Variants in MIA2 observed in about 807,000 individuals in gnomAD.
The protein encoded by MIA2 is melanoma inhibitory activity protein 2.
Under a neutral mutation model 167.8 loss-of-function variants are expected in MIA2, and 127 were observed. That is an observed-to-expected ratio of 0.76 (90% CI 0.66 to 0.88). MIA2 has a LOEUF of 0.88. Among genes scored for constraint, MIA2 ranks in the 40% least tolerant of loss-of-function variants. The pLI, the probability that MIA2 is intolerant of heterozygous loss-of-function variation, is 0.00. For synonymous variants in MIA2, 552 were observed against 541.9 expected (o/e 1.02, Z -0.26); for missense variants, 1,690 against 1,624.7 (o/e 1.04, Z -0.69).
chr14:39,335,657 C>T (rs1352714507), intron 25 of MIA2, among the ~76,000 whole-genome samples: 3 of 152,088 alleles, frequency 2.0e-5, no homozygotes, highest in Non-Finnish European at 4.4e-5. Context: ...AGGTTTGTTA[C>T]ATGGGTATAT....
chr14:39,269,735 G>GGTCTT (rs1490311977), intron 6 of MIA2, among the ~76,000 whole-genome samples: 18 of 152,042 alleles, frequency 1.2e-4, no homozygotes, highest in Non-Finnish European at 2.2e-4. Context: ...TACCCAGGCT[G>GGTCTT]GTCTTGAGCT....
chr14:39,387,715 G>A (rs1341054117), exon 24 of MIA2: 1 of 152,206 alleles, frequency 6.6e-6, no homozygotes, highest in Non-Finnish European at 1.5e-5. Context: ...GCATACTACA[G>A]AGAAAATGTC....
intron 22 of MIA2, among the ~76,000 whole-genome samples, chr14:39,318,661 A>T (rs2065901380): frequency 6.6e-6 from 1 of 152,170 alleles, no homozygotes; most frequent in South Asian, 2.1e-4. Context: ...AACTAGAAAT[A>T]AGATTCTTTT....
chr14:39,302,526 A>G (rs2062690748), intron 15 of MIA2, among the ~76,000 whole-genome samples: 1 of 152,172 alleles, frequency 6.6e-6, no homozygotes, highest in Non-Finnish European at 1.5e-5. Context: ...CATTTTCAAA[A>G]TTACATCATA....
chr14:39,379,273 T>G (rs2075106048), intron 23 of MIA2, among the ~76,000 whole-genome samples: 1 of 152,158 alleles, frequency 6.6e-6, no homozygotes, highest in African/African-American at 2.4e-5. Context: ...AACTTTGAAC[T>G]AATTTTCTCT....
chr14:39,347,446 C>T (rs2073539456), intron 26 of MIA2: 2 of 421,006 alleles, frequency 4.8e-6, no homozygotes, highest in South Asian at 6.4e-5. Context: ...ATGCTTCCTC[C>T]CAGATGTCTT....
chr14:39,386,624 T>C (rs2075276523), intron 23 of MIA2: 1 of 1,047,106 alleles, frequency 9.6e-7, no homozygotes, highest in East Asian at 2.4e-5. Context: ...TTCTTTTTTT[T>C]TGGCTGGCAG....
chr14:39,387,058 G>A, exon 24 of MIA2: 1 of 686,988 alleles, frequency 1.5e-6, no homozygotes, highest in East Asian at 2.9e-5. Flanking sequence ...CTGGCGGCGG[G>A]TAATCAAATT....
exon 24 of MIA2, chr14:39,387,731 A>T (rs555978555): frequency 6.6e-6 from 1 of 152,344 alleles, no homozygotes; most frequent in South Asian, 2.1e-4. Context: ...ATGTCCACAA[A>T]AAGAAGGAAT....
intron 13 of MIA2, among the ~76,000 whole-genome samples, chr14:39,295,576 T>G (rs967528313): frequency 7.9e-5 from 12 of 152,200 alleles, no homozygotes; most frequent in Admixed American, 5.2e-4. Context: ...TTTTTTAATT[T>G]TTTAGACGGA....
intron 14 of MIA2, among the ~76,000 whole-genome samples, chr14:39,301,353 C>G (rs1378596060): frequency 6.6e-6 from 1 of 151,806 alleles, no homozygotes; most frequent in Non-Finnish European, 1.5e-5. Context: ...GCGTGAGCCA[C>G]CGCATCTGGC....
At chr14:39,302,080 TA>T in intron 14 of MIA2, 48 bp from the exon 15 acceptor site, 1 of 1,573,202 alleles carries the variant, frequency 6.4e-7, no homozygotes, top group Non-Finnish European at 8.6e-7. Flanking sequence ...GTAAAGCTGT[TA>T]GCATAAGGCA....
intron 25 of MIA2, among the ~76,000 whole-genome samples, chr14:39,333,650 C>A (rs1367711808): frequency 6.6e-6 from 1 of 152,162 alleles, no homozygotes; most frequent in Non-Finnish European, 1.5e-5. Flanking sequence ...CACCCCATAC[C>A]CGGTTGTTAC....
At chr14:39,320,634 T>C (rs975685539) in intron 23 of MIA2, among the ~76,000 whole-genome samples, 1 of 152,194 alleles carries the variant, frequency 6.6e-6, no homozygotes, top group Non-Finnish European at 1.5e-5. Flanking sequence ...CTCTAAGATA[T>C]ATCTCCAATA....
chr14:39,284,228 A>G (rs2152777146), intron 9 of MIA2, among the ~76,000 whole-genome samples: 1 of 152,118 alleles, frequency 6.6e-6, no homozygotes, highest in African/African-American at 2.4e-5. Flanking sequence ...GTTGATTTCT[A>G]TGTGTTGTAT....
At chr14:39,333,850 C>T (rs1464335253) in intron 25 of MIA2, among the ~76,000 whole-genome samples, 1 of 152,156 alleles carries the variant, frequency 6.6e-6, no homozygotes, top group Non-Finnish European at 1.5e-5. Flanking sequence ...CATTTGTGAG[C>T]TTCTAAATTG....
At chr14:39,300,991 C>T (rs1167970936) in intron 14 of MIA2, among the ~76,000 whole-genome samples, 23 of 147,376 alleles carry the variant, frequency 1.6e-4, no homozygotes, top group East Asian at 1.0e-3. Flanking sequence ...TACATATATA[C>T]ACATATATAC....
chr14:39,312,909 G>C (rs182679109), intron 18 of MIA2, among the ~76,000 whole-genome samples: 1 of 151,370 alleles, frequency 6.6e-6, no homozygotes, highest in Non-Finnish European at 1.5e-5. Flanking sequence ...GTGTGTGTGC[G>C]TGTGTGTTTA....
At chr14:39,324,832 C>T (rs2152985759) in intron 24 of MIA2, among the ~76,000 whole-genome samples, 1 of 152,238 alleles carries the variant, frequency 6.6e-6, no homozygotes, top group East Asian at 1.9e-4. Flanking sequence ...GTTTCGAACT[C>T]CTCACCTCAG....
Sources: gnomAD v4.1 joint callset for allele counts (sites outside exome capture counted in the v4.1 genomes callset) on GRCh38, gnomAD v4.1.1 for gene constraint, MANE v1.5 for transcripts, NCBI Gene and HGNC (gene_info 2026-07-23, HGNC 2026-07-21) for gene names.